CIMIP6: variants seen among roughly 807,000 people sequenced by gnomAD.
The protein encoded by CIMIP6 is uncharacterized protein C2orf73.
the CIMIP6 span, among the ~76,000 whole-genome samples, chr2:54,379,613 G>T: frequency 0.013 from 1,912 of 152,172 alleles, 39 homozygotes; most frequent in African/African-American, 0.044. Flanking sequence ...GCCAAGGCGG[G>T]ATTCCTTGAG....
At chr2:54,360,460 T>C in the CIMIP6 span, 1 of 1,582,806 alleles carries the variant, frequency 6.3e-7, no homozygotes, top group Non-Finnish European at 8.6e-7. Context: ...CCAGCACTCC[T>C]GAGAGCAGAG....
chr2:54,383,075 A>T, the CIMIP6 span: 1 of 151,890 alleles, frequency 6.6e-6, no homozygotes, highest in Non-Finnish European at 1.5e-5. Context: ...TGGGAAGCCT[A>T]TGGCCATGTT....
chr2:54,380,403 C>T, the CIMIP6 span, among the ~76,000 whole-genome samples: 34,352 of 152,022 alleles, frequency 0.23, 4,263 homozygotes, highest in East Asian at 0.48. Flanking sequence ...CCCCCAACCC[C>T]CCTGCACTGC....
the CIMIP6 span, among the ~76,000 whole-genome samples, chr2:54,380,601 C>T: frequency 4.0e-3 from 616 of 152,340 alleles, 26 homozygotes; most frequent in East Asian, 0.081. Flanking sequence ...CTGGGAATTC[C>T]TTATCTACCT....
At chr2:54,336,351 T>A in the CIMIP6 span, among the ~76,000 whole-genome samples, 1 of 152,206 alleles carries the variant, frequency 6.6e-6, no homozygotes. Flanking sequence ...TTACCCAGTA[T>A]GTAGCTTATT....
At chr2:54,334,827 A>G in the CIMIP6 span, 13 of 1,542,518 alleles carry the variant, frequency 8.4e-6, no homozygotes, top group Non-Finnish European at 1.1e-5. Context: ...ACAGCATAAA[A>G]TAGAGGATGC....
At chr2:54,354,249 T>C in the CIMIP6 span, among the ~76,000 whole-genome samples, 2 of 152,196 alleles carry the variant, frequency 1.3e-5, no homozygotes, top group African/African-American at 4.8e-5. Flanking sequence ...TTTAATTATA[T>C]GGATTTTTAG....
chr2:54,331,015 T>C, the CIMIP6 span: 20 of 1,613,480 alleles, frequency 1.2e-5, no homozygotes, highest in Non-Finnish European at 1.7e-5. Context: ...AGTGCTGGGG[T>C]TTGGTGTCTT....
chr2:54,331,197 GGACTT>G, the CIMIP6 span, among the ~76,000 whole-genome samples: 2 of 152,090 alleles, frequency 1.3e-5, no homozygotes. Flanking sequence ...TGTGTGTCAG[GGACTT>G]GACTTGCATT....
At chr2:54,361,140 T>G in the CIMIP6 span, 1 of 152,272 alleles carries the variant, frequency 6.6e-6, no homozygotes, top group Non-Finnish European at 1.5e-5. Context: ...TTCCTCATTA[T>G]TCTAAAACTT....
the CIMIP6 span, among the ~76,000 whole-genome samples, chr2:54,342,609 T>C: frequency 6.6e-6 from 1 of 150,410 alleles, no homozygotes; most frequent in South Asian, 2.1e-4. Context: ...TGCAGCCACA[T>C]AGGTTTTTTT....
the CIMIP6 span, among the ~76,000 whole-genome samples, chr2:54,331,593 G>A: frequency 6.6e-6 from 1 of 152,084 alleles, no homozygotes; most frequent in South Asian, 2.1e-4. Flanking sequence ...CAGCAAACAG[G>A]CCTTTCTGCT....
chr2:54,378,503 C>G, the CIMIP6 span, among the ~76,000 whole-genome samples: 3 of 152,038 alleles, frequency 2.0e-5, no homozygotes, highest in Non-Finnish European at 4.4e-5. Context: ...TTTAGAACAT[C>G]AAAATTTTGT....
chr2:54,383,691 A>G, the CIMIP6 span: 1 of 139,314 alleles, frequency 7.2e-6, no homozygotes, highest in African/African-American at 3.0e-5. Flanking sequence ...ATTTTAGTCT[A>G]TTAGTTGCTT....
At chr2:54,360,614 A>G in the CIMIP6 span, 3 of 1,429,174 alleles carry the variant, frequency 2.1e-6, no homozygotes, top group East Asian at 7.6e-5. Flanking sequence ...GAAATTTCAC[A>G]ATCATCATCT....
chr2:54,382,605 C>G, the CIMIP6 span, among the ~76,000 whole-genome samples: 1 of 152,100 alleles, frequency 6.6e-6, no homozygotes, highest in Non-Finnish European at 1.5e-5. Context: ...TCACCTCTTC[C>G]CTTCAGTCTT....
the CIMIP6 span, among the ~76,000 whole-genome samples, chr2:54,336,310 T>C: frequency 6.6e-6 from 1 of 152,214 alleles, no homozygotes; most frequent in Non-Finnish European, 1.5e-5. Context: ...TTCCATAGTT[T>C]TGCCCTTTCC....
chr2:54,358,246 C>T, the CIMIP6 span, among the ~76,000 whole-genome samples: 6 of 152,160 alleles, frequency 3.9e-5, no homozygotes, highest in Non-Finnish European at 8.8e-5. Context: ...GTGCTAGCTT[C>T]GGCATACAAT....
the CIMIP6 span, among the ~76,000 whole-genome samples, chr2:54,367,828 A>C: frequency 1.3e-5 from 2 of 152,158 alleles, no homozygotes; most frequent in Non-Finnish European, 2.9e-5. Context: ...GATAGAGAAA[A>C]TATGTTACTT....
Sources: allele counts gnomAD v4.1 joint callset (sites outside exome capture counted in the v4.1 genomes callset), GRCh38; gene constraint gnomAD v4.1.1; transcripts MANE v1.5; gene names NCBI Gene and HGNC (gene_info 2026-07-23, HGNC 2026-07-21).